ITGAE: variants seen among roughly 807,000 people sequenced by gnomAD.
The protein encoded by ITGAE is integrin subunit alpha E, also known as integrin alpha-E.
ITGAE carries 99 observed loss-of-function variants against 136.5 expected under a neutral mutation model. The observed-to-expected ratio is 0.73, with a 90% CI of 0.62 to 0.86. The LOEUF is 0.86. Ranked by LOEUF, ITGAE falls within the 40% of genes least tolerant of loss-of-function variation. The pLI is 0.00. For synonymous variants in ITGAE, 613 were observed against 591.8 expected (o/e 1.04, Z -0.52); for missense variants, 1,447 against 1,515.3 (o/e 0.95, Z 0.75).
chr17:3,761,852 G>A, intron 4 of ITGAE, 63 bp downstream of exon 4: 1 of 1,428,722 alleles, frequency 7.0e-7, no homozygotes, highest in South Asian at 1.2e-5. Flanking sequence ...CAACACCAGG[G>A]TCAACCACGA....
intron 2 of ITGAE, among the ~76,000 whole-genome samples, chr17:3,777,105 C>T (rs552284291): frequency 1.2e-4 from 19 of 152,226 alleles, no homozygotes; most frequent in Middle Eastern, 3.4e-3. Flanking sequence ...GGACTACAGG[C>T]GCCCGCCTCC....
chr17:3,726,209 CA>C (rs1168424853), intron 26 of ITGAE: 1 of 1,614,042 alleles, frequency 6.2e-7, no homozygotes, highest in Non-Finnish European at 8.5e-7. Flanking sequence ...AAATGACCTT[CA>C]AGACTAAATG....
At chr17:3,771,537 T>C (rs867791222) in intron 2 of ITGAE, among the ~76,000 whole-genome samples, 15,933 of 145,812 alleles carry the variant, frequency 0.11, 1,053 homozygotes, top group East Asian at 0.17. Flanking sequence ...TTTTTCTCTT[T>C]TTTTTTTTTT....
At chr17:3,745,622 G>A (rs1040224151) in intron 18 of ITGAE, 142 bp downstream of exon 18, 28 of 820,464 alleles carry the variant, frequency 3.4e-5, no homozygotes, top group Middle Eastern at 2.9e-4. Flanking sequence ...GATGACAGGC[G>A]TGAGCCACCG....
chr17:3,724,185 G>C, intron 26 of ITGAE: 2 of 1,591,558 alleles, frequency 1.3e-6, no homozygotes, highest in Non-Finnish European at 1.7e-6. Context: ...GAGGCGTCCC[G>C]GCGGCCGAGT....
chr17:3,789,900 A>G (rs893456417), intron 1 of ITGAE, among the ~76,000 whole-genome samples: 6 of 152,224 alleles, frequency 3.9e-5, no homozygotes, highest in Admixed American at 1.3e-4. Context: ...AGGAAGAATA[A>G]TAGAACCAAA....
chr17:3,724,071 A>C (rs760618277), intron 26 of ITGAE: 161 of 1,596,016 alleles, frequency 1.0e-4, no homozygotes, highest in Non-Finnish European at 3.1e-5. Flanking sequence ...TTTCTTCAAC[A>C]GCAGCGGCAG....
Position 3,745,764 on chromosome 17 carries a change from C to T in ITGAE, c.2319G>A (p.Glu773=), listed in dbSNP as rs1263460325. The part of the protein sequence containing the change: ...EDLLLMPTEG[E]LCEEDCFSNA... ...CTCCCATCCAAACTCCGTCACTTAC[C>T]TCTCCCTCTGTGGGCATGAGCAGGA... Residue 773 remains glutamate (E), a splice_region_variant and synonymous_variant, in exon 18 of 31, where the codon GAG becomes GAA. Coordinates refer to ENST00000263087, the MANE Select transcript of ITGAE (RefSeq NM_002208.5). 8.7e-6 allele frequency: 14 copies of T among 1,613,770 alleles called. No homozygotes were observed. The East Asian group carries it at 1.1e-4, about 13-fold the overall frequency.
rs55693441 is a variant in ITGAE at position 3,725,444 on chromosome 17, T to C, written c.3085-1700A>G. On this transcript the variant is annotated intron_variant, in intron 26 of 30. Transcript: ENST00000263087. ...TTGGCGAAGTGTTTCAAACAATTGC[T>C]GATCACACACCCGTAGCCATAAAAA... is the stretch of plus-strand genomic sequence containing the variant. The C allele has an allele frequency of 5.8e-5, 93 of 1,614,198 alleles. No homozygotes were observed. In the African/African-American group the frequency reaches 1.1e-3, roughly 19 times the overall value.
chr17:3,724,114 C>T (rs1263601101), intron 26 of ITGAE: 2 of 1,594,704 alleles, frequency 1.3e-6, no homozygotes, highest in Non-Finnish European at 8.5e-7. Context: ...CCCTCGCAGT[C>T]CGACGATCCT....
chr17:3,738,437 G>A (rs2143013412), intron 20 of ITGAE, among the ~76,000 whole-genome samples: 1 of 152,256 alleles, frequency 6.6e-6, no homozygotes, highest in Admixed American at 6.5e-5. Context: ...CCAAAGTGCT[G>A]GGATTACAGG....
Position 3,723,728 on chromosome 17 carries a change from G to A in ITGAE, c.3101C>T (p.Thr1034Ile), listed in dbSNP as rs143497600. ...LTRTQASTVC[T>I]WSQERACAYS... ...CGCACAAGCGCGCTCCTGACTCCAG[G>A]TGCACACCGTGGAGGCCTGAAACGA... is the stretch of plus-strand genomic sequence containing the variant. Residue 1034 changes from threonine to isoleucine, a missense_variant, in exon 27 of 31, where the codon ACC (threonine) becomes ATC (isoleucine). Thr to Ile is a moderately conservative substitution (Grantham distance 89). Transcript: ENST00000263087. 3.0e-5 allele frequency: 49 copies of A among 1,606,556 alleles called. No homozygotes were observed. In the African/African-American group the frequency reaches 6.1e-4, roughly 20 times the overall value.
intron 1 of ITGAE, among the ~76,000 whole-genome samples, chr17:3,794,968 T>A (rs1427191037): frequency 1.3e-5 from 2 of 152,044 alleles, no homozygotes; most frequent in African/African-American, 4.8e-5. Context: ...CACTCCTGCC[T>A]CCAGGCCTCG....
chr17:3,723,398 T>A lies in ITGAE; in HGVS notation c.3142-15A>T. 2.6e-6 allele frequency: 4 copies of A among 1,565,548 alleles called. No individual in the cohort carries two copies. Among genetic ancestry groups the A allele is most frequent in the Non-Finnish European group, 3.5e-6 (4 of 1,135,782 alleles). On this transcript the variant is annotated splice_polypyrimidine_tract_variant and intron_variant, in intron 27 of 30. Coordinates refer to ENST00000263087, the MANE Select transcript of ITGAE (RefSeq NM_002208.5). Reference sequence around the variant, plus strand: ...TCTTCCACATGCTGGAAAAGCGAGGTCTAGTGAACACAATTCCTTTCCGTG... The same window carrying A: ...TCTTCCACATGCTGGAAAAGCGAGGACTAGTGAACACAATTCCTTTCCGTG...
intron 30 of ITGAE, among the ~76,000 whole-genome samples, chr17:3,715,600 C>A (rs565140256): frequency 6.6e-6 from 1 of 152,098 alleles, no homozygotes; most frequent in Admixed American, 6.5e-5. Flanking sequence ...TGCCTGTAAC[C>A]CCACCACTTC....
intron 19 of ITGAE, among the ~76,000 whole-genome samples, chr17:3,741,423 C>G (rs1246843566): frequency 6.6e-6 from 1 of 152,048 alleles, no homozygotes; most frequent in East Asian, 1.9e-4. Flanking sequence ...ATAGCCTGAT[C>G]TCTTCCACCC....
intron 26 of ITGAE, chr17:3,724,470 T>A (rs1597299454): frequency 6.2e-7 from 1 of 1,613,592 alleles, no homozygotes; most frequent in East Asian, 2.2e-5. Context: ...CTGCCCCGGG[T>A]CCCCAACGCC....
intron 26 of ITGAE, chr17:3,725,069 C>A: frequency 6.2e-7 from 1 of 1,614,240 alleles, no homozygotes; most frequent in Non-Finnish European, 8.5e-7. Context: ...TACAGAATGT[C>A]TGCTTTTGGA....
rs547264206 is a variant in ITGAE at position 3,733,321 on chromosome 17, T to C, written c.2656-855A>G. Among the ~76,000 whole-genome samples, 5 of 152,278 alleles carry C rather than the reference T, an allele frequency of 3.3e-5. No individual in the cohort carries two copies. In the East Asian group the frequency reaches 9.7e-4, roughly 29 times the overall value. On this transcript the variant is annotated intron_variant, in intron 21 of 30. Transcript: ENST00000263087. ...TTCATTCATATAATGGATACTGTCCTAGCCCAAATAGCCTAAGATGACCGG... is the reference window on the plus strand; with the variant it reads ...TTCATTCATATAATGGATACTGTCCCAGCCCAAATAGCCTAAGATGACCGG...
Sources: gnomAD v4.1 joint callset for allele counts (sites outside exome capture counted in the v4.1 genomes callset) on GRCh38, gnomAD v4.1.1 for gene constraint, MANE v1.5 for transcripts, NCBI Gene and HGNC (gene_info 2026-07-23, HGNC 2026-07-21) for gene names.